NAA16: variants seen among roughly 807,000 people sequenced by gnomAD.
NAA16 encodes N-alpha-acetyltransferase 16, NatA auxiliary subunit.
In NAA16, 97 loss-of-function variants were observed where a neutral mutation model predicts 110.3. That is an observed-to-expected ratio of 0.88 (90% CI 0.75 to 1.04). The LOEUF is 1.04. Ranked by LOEUF, NAA16 falls within the 50% of genes least tolerant of loss-of-function variation. NAA16 has a pLI of 0.00. For missense variants in NAA16, 1,017 were observed against 1,005.1 expected (o/e 1.01, Z -0.16); for synonymous variants, 372 against 330.6 (o/e 1.13, Z -1.36).
chr13:41,365,533 A>G (rs1399421356), intron 13 of NAA16, among the ~76,000 whole-genome samples: 3 of 152,214 alleles, frequency 2.0e-5, no homozygotes, highest in Admixed American at 6.5e-5. Context: ...AAATATTACA[A>G]TCAGCTGTAG....
At position 41,311,301 on chromosome 13, in the gene NAA16, C is replaced by T. The variant is rs967787479; in HGVS notation, c.-228C>T. On this transcript the variant is annotated 5_prime_UTR_variant, in exon 1 of 20. Transcript: ENST00000379406. Reference sequence around the variant, plus strand: ...GGGAACCGCCGCCGCCGCCGCTGGCCAAAAAGCGGAGCCCAGGGGAAGCGT... The same window carrying T: ...GGGAACCGCCGCCGCCGCCGCTGGCTAAAAAGCGGAGCCCAGGGGAAGCGT... 1.3e-5 allele frequency: 7 copies of T among 545,838 alleles called. No homozygotes were observed. Among genetic ancestry groups the T allele is most frequent in the Middle Eastern group, 3.6e-4 (1 of 2,808 alleles). The allele number at this position is 545,838 out of a possible 1,614,324, so 33.8% of individuals were successfully genotyped here.
intron 10 of NAA16, among the ~76,000 whole-genome samples, chr13:41,357,454 GT>G (rs1254632289): frequency 2.6e-5 from 4 of 152,176 alleles, no homozygotes; most frequent in African/African-American, 9.7e-5. Flanking sequence ...TTGAAATATA[GT>G]TTATATAAGA....
chr13:41,340,648 T>G (rs1392285327), intron 9 of NAA16, among the ~76,000 whole-genome samples: 11 of 1,068 alleles, frequency 0.01, no homozygotes, highest in South Asian at 0.05. Context: ...TTTGAGTGAG[T>G]TTTTTTTTTT....
chr13:41,313,994 T>C (rs1356011748), intron 1 of NAA16, among the ~76,000 whole-genome samples: 1 of 152,068 alleles, frequency 6.6e-6, no homozygotes, highest in Non-Finnish European at 1.5e-5. Flanking sequence ...GTAGCTGAGA[T>C]TACAGGTTGA....
intron 13 of NAA16, among the ~76,000 whole-genome samples, chr13:41,367,180 T>A (rs911619400): frequency 2.0e-5 from 3 of 152,152 alleles, no homozygotes; most frequent in African/African-American, 4.8e-5. Flanking sequence ...AATAACCTGA[T>A]CTTTTGACTT....
At chr13:41,353,113 T>TCAAAACAAAATAAAACAAAA (rs112150240) in intron 9 of NAA16, among the ~76,000 whole-genome samples, 13,035 of 150,510 alleles carry the variant, frequency 0.087, 711 homozygotes, top group East Asian at 0.23. Context: ...AGACTCCATC[T>TCAAAACAAAATAAAACAAAA]CAAAACAAAA....
chr13:41,323,296 G>A (rs1055794951), intron 5 of NAA16, 106 bp downstream of exon 5: 15 of 1,146,140 alleles, frequency 1.3e-5, no homozygotes, highest in South Asian at 4.4e-5. Flanking sequence ...TATGGAAAAC[G>A]GGAAAACTTT....
intron 9 of NAA16, among the ~76,000 whole-genome samples, chr13:41,345,403 G>C (rs557066281): frequency 3.3e-5 from 5 of 151,994 alleles, no homozygotes; most frequent in Non-Finnish European, 7.4e-5. Context: ...AATTTCTTGA[G>C]GTTTTGCTTT....
At chr13:41,318,039 A>C (rs1202691115) in intron 2 of NAA16, among the ~76,000 whole-genome samples, 1 of 152,184 alleles carries the variant, frequency 6.6e-6, no homozygotes, top group African/African-American at 2.4e-5. Context: ...ATATTGAATA[A>C]AGTGATTAGT....
intron 15 of NAA16, among the ~76,000 whole-genome samples, chr13:41,370,994 A>G (rs545803882): frequency 9.8e-5 from 15 of 152,336 alleles, no homozygotes; most frequent in African/African-American, 3.6e-4. Context: ...GTTGTGTACA[A>G]CTTCACAGGA....
chr13:41,370,875 A>G (rs538535498), intron 15 of NAA16, among the ~76,000 whole-genome samples: 19 of 152,352 alleles, frequency 1.2e-4, no homozygotes, highest in African/African-American at 4.3e-4. Context: ...CCAGTAGAAC[A>G]TTATGAAAGT....
chr13:41,339,978 G>C (rs1013982801), intron 9 of NAA16, among the ~76,000 whole-genome samples: 1 of 152,074 alleles, frequency 6.6e-6, no homozygotes, highest in Non-Finnish European at 1.5e-5. Context: ...CATTTTCCCA[G>C]CTTTCTTTAA....
intron 9 of NAA16, among the ~76,000 whole-genome samples, chr13:41,339,278 T>C (rs1267707095): frequency 6.6e-6 from 1 of 151,898 alleles, no homozygotes; most frequent in East Asian, 1.9e-4. Flanking sequence ...TAGCTGGGAT[T>C]ACAGGCATGT....
chr13:41,315,020 A>G (rs76853769), intron 1 of NAA16, among the ~76,000 whole-genome samples: 56 of 152,260 alleles, frequency 3.7e-4, no homozygotes, highest in African/African-American at 1.3e-3. Context: ...GATAGGTGAG[A>G]TCATTGTTCT....
At chr13:41,362,532 C>T (rs1048485762) in intron 13 of NAA16, 1 of 399,770 alleles carries the variant, frequency 2.5e-6, no homozygotes, top group African/African-American at 2.1e-5. Flanking sequence ...AGGATCTGGT[C>T]CGCAGTCAGC....
chr13:41,346,465 T>A (rs1295061961), intron 9 of NAA16, among the ~76,000 whole-genome samples: 1 of 152,194 alleles, frequency 6.6e-6, no homozygotes, highest in Non-Finnish European at 1.5e-5. Context: ...AGACGAGGCA[T>A]GCTGTGCCAT....
intron 9 of NAA16, among the ~76,000 whole-genome samples, chr13:41,341,903 C>G (rs1194462173): frequency 1.3e-5 from 2 of 150,006 alleles, no homozygotes; most frequent in Non-Finnish European, 2.9e-5. Flanking sequence ...GCAATCTCTG[C>G]TCACTGCAAG....
chr13:41,370,006 A>G (rs1251094277), intron 15 of NAA16, among the ~76,000 whole-genome samples: 1 of 152,218 alleles, frequency 6.6e-6, no homozygotes, highest in Non-Finnish European at 1.5e-5. Flanking sequence ...TTTACCTTAT[A>G]TGTCTTACTA....
At chr13:41,348,366 A>G (rs898513723) in intron 9 of NAA16, among the ~76,000 whole-genome samples, 2 of 151,910 alleles carry the variant, frequency 1.3e-5, no homozygotes, top group South Asian at 2.1e-4. Context: ...ACGGGATTTC[A>G]CTATGTTGCA....
Sources: gnomAD v4.1 joint callset for allele counts (sites outside exome capture counted in the v4.1 genomes callset) on GRCh38, gnomAD v4.1.1 for gene constraint, MANE v1.5 for transcripts, NCBI Gene and HGNC (gene_info 2026-07-23, HGNC 2026-07-21) for gene names.